RIMS1: variants seen among roughly 807,000 people sequenced by gnomAD.
The protein encoded by RIMS1 is regulating synaptic membrane exocytosis 1.
RIMS1 carries 83 observed loss-of-function variants against 214.1 expected under a neutral mutation model. The observed-to-expected ratio is 0.39, with a 90% CI of 0.32 to 0.47. The LOEUF is 0.47. Ranked by LOEUF, RIMS1 falls within the 20% of genes least tolerant of loss-of-function variation. RIMS1 has a pLI of 0.99. For synonymous variants in RIMS1, 793 were observed against 786.8 expected (o/e 1.01, Z -0.13); for missense variants, 2,050 against 2,161.8 (o/e 0.95, Z 1.03).
At chr6:72,143,240 G>A (rs774118959) in intron 4 of RIMS1, among the ~76,000 whole-genome samples, 1 of 152,162 alleles carries the variant, frequency 6.6e-6, no homozygotes, top group Non-Finnish European at 1.5e-5. Flanking sequence ...AAATATATAC[G>A]TAGTTGTGGT....
At chr6:72,306,867 G>A (rs1291824776) in intron 26 of RIMS1, among the ~76,000 whole-genome samples, 1 of 152,192 alleles carries the variant, frequency 6.6e-6, no homozygotes, top group Non-Finnish European at 1.5e-5. Flanking sequence ...TGTGCATATA[G>A]TGCGATGTGC....
At chr6:71,944,060 T>C (rs1211103065) in intron 1 of RIMS1, among the ~76,000 whole-genome samples, 4 of 152,202 alleles carry the variant, frequency 2.6e-5, no homozygotes, top group African/African-American at 9.6e-5. Context: ...TAAAATATAA[T>C]GCCTAAAATA....
rs556559143 is a variant in RIMS1, at chr6:72,161,906, G to A, written c.472-17669G>A. On this transcript the variant is annotated intron_variant, in intron 4 of 33. Transcript: ENST00000521978. ...AGTTCTATAGATGTCTATTAGGTCC[G>A]CTTGGTGCAGAGCTGAGTTCAATTC... is the stretch of plus-strand genomic sequence containing the variant. 2.3e-3 allele frequency among the ~76,000 whole-genome samples: 325 copies of A among 140,812 alleles called. 20 individuals are homozygous for A. The highest frequency in any genetic ancestry group is 7.1e-3 in the Middle Eastern group (2 of 282). The allele number at this position is 140,812 out of a possible 152,430, so 92.4% of individuals were successfully genotyped here.
At chr6:72,346,349 T>A (rs1257321019) in intron 29 of RIMS1, among the ~76,000 whole-genome samples, 1 of 151,824 alleles carries the variant, frequency 6.6e-6, no homozygotes, top group Non-Finnish European at 1.5e-5. Flanking sequence ...AATACAAGAA[T>A]AGAATCTTAA....
chr6:71,977,734 G>C (rs1198751039), intron 2 of RIMS1, among the ~76,000 whole-genome samples: 1 of 150,498 alleles, frequency 6.6e-6, no homozygotes, highest in Non-Finnish European at 1.5e-5. Flanking sequence ...TATGTGAAAT[G>C]GTCCTTATGT....
rs1481140717 is a variant in RIMS1, at chr6:72,316,211, A to G, written c.4130+2539A>G. ...GTGCTACCTCCTTCCCAGACAGATG[A>G]GAGAGGGCAGGACTTCAGGCTGGAT... On this transcript the variant is annotated intron_variant, in intron 28 of 33. Coordinates refer to ENST00000521978, the MANE Select transcript of RIMS1 (RefSeq NM_014989.7). Among the ~76,000 whole-genome samples the G allele has an allele frequency of 2.6e-5, 4 of 152,088 alleles. No individual in the cohort carries two copies. In the South Asian group the frequency reaches 8.3e-4, roughly 32 times the overall value.
intron 2 of RIMS1, among the ~76,000 whole-genome samples, chr6:71,980,564 G>A (rs751647533): frequency 1.6e-4 from 24 of 152,020 alleles, no homozygotes; most frequent in Non-Finnish European, 2.5e-4. Flanking sequence ...GTCCAGCTTT[G>A]ATAAATGGAT....
Position 72,271,283 on chromosome 6 carries a change from AAAAATATATATATAT to A in RIMS1, c.3399-3064_3399-3050del, listed in dbSNP as rs1297320669. On this transcript the variant is annotated intron_variant, in intron 22 of 33. Transcript: ENST00000521978. ...TCCATCTCAAGGAAAAAAAAAAAAA[AAAAATATATATATAT>A]ATATATATATATATATATGTTAATT... 2.8e-3 allele frequency among the ~76,000 whole-genome samples: 214 copies of A among 76,782 alleles called. 2 individuals carry two copies. Among genetic ancestry groups the A allele is most frequent in the African/African-American group, 8.1e-3 (142 of 17,606 alleles). 50.4% of individuals were successfully genotyped at this position (76,782 alleles called of 152,430 possible).
chr6:72,237,404 G>T (rs533214655), intron 8 of RIMS1, among the ~76,000 whole-genome samples: 7 of 152,152 alleles, frequency 4.6e-5, no homozygotes, highest in African/African-American at 1.7e-4. Context: ...TGAAGCCCTG[G>T]TGGCTCACAC....
intron 24 of RIMS1, among the ~76,000 whole-genome samples, chr6:72,284,355 G>A (rs1329385154): frequency 6.6e-6 from 1 of 152,100 alleles, no homozygotes; most frequent in Non-Finnish European, 1.5e-5. Flanking sequence ...TTCTCTTAGT[G>A]ATCATTCTGA....
chr6:72,167,348 CCCTG>C (rs1260376913), intron 4 of RIMS1, among the ~76,000 whole-genome samples: 1 of 151,696 alleles, frequency 6.6e-6, no homozygotes, highest in Non-Finnish European at 1.5e-5. Context: ...GTTTTTGCTT[CCCTG>C]TTTGAGAGAC....
intron 6 of RIMS1, among the ~76,000 whole-genome samples, chr6:72,188,224 A>G (rs560321704): frequency 1.3e-4 from 20 of 152,306 alleles, no homozygotes; most frequent in African/African-American, 4.3e-4. Flanking sequence ...GCATCCTTCA[A>G]TCCTGTCAAG....
chr6:72,361,295 G>A (rs547503665), intron 29 of RIMS1, among the ~76,000 whole-genome samples: 6 of 151,134 alleles, frequency 4.0e-5, no homozygotes, highest in Admixed American at 2.6e-4. Context: ...TAGTAGAGAC[G>A]GGGTTTCACC....
intron 5 of RIMS1, among the ~76,000 whole-genome samples, chr6:72,180,825 GC>G (rs1440810762): frequency 6.6e-6 from 1 of 152,138 alleles, no homozygotes; most frequent in Non-Finnish European, 1.5e-5. Context: ...TTCAAGCAAA[GC>G]CCATACAGTA....
At chr6:72,277,753 T>G (rs1392017261) in intron 23 of RIMS1, among the ~76,000 whole-genome samples, 1 of 152,086 alleles carries the variant, frequency 6.6e-6, no homozygotes, top group Non-Finnish European at 1.5e-5. Context: ...ATCATTCCAA[T>G]AACAAAGCAT....
chr6:71,994,816 G>T (rs1020348874), intron 2 of RIMS1, among the ~76,000 whole-genome samples: 2 of 152,126 alleles, frequency 1.3e-5, no homozygotes, highest in African/African-American at 4.8e-5. Flanking sequence ...TTGTTGCCTT[G>T]CATGCTTCTT....
chr6:72,090,540 T>C (rs1053731157), intron 2 of RIMS1, among the ~76,000 whole-genome samples: 3 of 152,130 alleles, frequency 2.0e-5, no homozygotes, highest in African/African-American at 7.2e-5. Context: ...CTTGAAATTT[T>C]GCAAACTTTT....
intron 2 of RIMS1, among the ~76,000 whole-genome samples, chr6:71,995,123 A>T (rs1802993724): frequency 2.0e-5 from 3 of 152,106 alleles, no homozygotes; most frequent in South Asian, 4.2e-4. Flanking sequence ...AAGAAAAGAC[A>T]TGTGATGTAG....
At chr6:72,005,464 A>G (rs1223402945) in intron 2 of RIMS1, among the ~76,000 whole-genome samples, 1 of 152,222 alleles carries the variant, frequency 6.6e-6, no homozygotes, top group African/African-American at 2.4e-5. Context: ...AGGAACTAAT[A>G]CAGAGCTGAT....
Sources: allele counts gnomAD v4.1 joint callset (sites outside exome capture counted in the v4.1 genomes callset), GRCh38; gene constraint gnomAD v4.1.1; transcripts MANE v1.5; gene names NCBI Gene and HGNC (gene_info 2026-07-23, HGNC 2026-07-21).